ADAMTS7: variants seen among roughly 807,000 people sequenced by gnomAD.
ADAMTS7 encodes ADAM metallopeptidase with thrombospondin type 1 motif 7.
ADAMTS7 carries 89 observed loss-of-function variants against 172.6 expected under a neutral mutation model. The observed-to-expected ratio is 0.52, with a 90% CI of 0.43 to 0.61. The LOEUF is 0.61. Ranked by LOEUF, ADAMTS7 falls within the 20% of genes least tolerant of loss-of-function variation. The pLI, the probability that ADAMTS7 is intolerant of heterozygous loss-of-function variation, is 0.00. For missense variants in ADAMTS7, 1,973 were observed against 2,355.6 expected (o/e 0.84, Z 3.36); for synonymous variants, 885 against 978.4 (o/e 0.90, Z 1.78).
At chr15:78,762,164 G>C (rs1475583404) in intron 23 of ADAMTS7, 1 of 854,462 alleles carries the variant, frequency 1.2e-6, no homozygotes, top group African/African-American at 1.8e-5. Context: ...CCCAAGGTCA[G>C]ACAGCTGCCT....
At chr15:78,769,523 G>A (rs2055212528) in intron 16 of ADAMTS7, among the ~76,000 whole-genome samples, 1 of 152,230 alleles carries the variant, frequency 6.6e-6, no homozygotes, top group African/African-American at 2.4e-5. Context: ...GTCCCTCGCT[G>A]GGAGTCAGCC....
intron 8 of ADAMTS7, among the ~76,000 whole-genome samples, chr15:78,783,425 A>G (rs546989239): frequency 1.3e-5 from 2 of 148,846 alleles, no homozygotes; most frequent in African/African-American, 4.9e-5. Context: ...ACCAGCCACC[A>G]GGCCTGGCTA....
chr15:78,795,851 C>T (rs937988774), intron 4 of ADAMTS7, among the ~76,000 whole-genome samples: 11 of 152,146 alleles, frequency 7.2e-5, no homozygotes, highest in African/African-American at 2.4e-4. Context: ...CTGCAGTAGT[C>T]GGCTCCAGGA....
At chr15:78,803,748 T>C (rs1388367793) in intron 1 of ADAMTS7, among the ~76,000 whole-genome samples, 3 of 152,226 alleles carry the variant, frequency 2.0e-5, no homozygotes, top group Admixed American at 6.5e-5. Flanking sequence ...CCACTGTGCC[T>C]GGCAACTATG....
intron 11 of ADAMTS7, 97 bp from the exon 12 acceptor site, chr15:78,774,890 C>T: frequency 7.0e-7 from 1 of 1,429,048 alleles, no homozygotes; most frequent in Non-Finnish European, 9.3e-7. Context: ...CATCCACACC[C>T]CGAGATCCCT....
chr15:78,794,545 G>C (rs1236154109), intron 4 of ADAMTS7, among the ~76,000 whole-genome samples: 1 of 152,218 alleles, frequency 6.6e-6, no homozygotes, highest in East Asian at 1.9e-4. Flanking sequence ...GTGAGTGTGA[G>C]AACCAGTCCC....
intron 4 of ADAMTS7, 106 bp from the exon 5 acceptor site, chr15:78,791,329 C>T (rs1229083574): frequency 5.9e-6 from 5 of 853,832 alleles, no homozygotes; most frequent in African/African-American, 5.2e-5. Flanking sequence ...CACCTGTGCT[C>T]ACACACAGGG....
At chr15:78,788,485 CCACCCAATGGCTG>C (rs1291611055) in intron 7 of ADAMTS7, 111 bp from the exon 8 acceptor site, 17 of 1,329,532 alleles carry the variant, frequency 1.3e-5, no homozygotes, top group Non-Finnish European at 1.7e-5. Context: ...GCTGGTTCTG[CCACCCAATGGCTG>C]CACCCAATGG....
intron 1 of ADAMTS7, among the ~76,000 whole-genome samples, chr15:78,807,912 T>C (rs1305397935): frequency 1.3e-5 from 2 of 151,976 alleles, no homozygotes; most frequent in Non-Finnish European, 2.9e-5. Context: ...TGGAGTGCAG[T>C]GATGCGATCG....
intron 8 of ADAMTS7, 63 bp downstream of exon 8, chr15:78,788,168 T>C (rs563521274): frequency 2.5e-6 from 4 of 1,592,586 alleles, no homozygotes; most frequent in Non-Finnish European, 3.4e-6. Flanking sequence ...ACTGTCTGCA[T>C]CTCTCCCAGT....
rs573703692 is a variant in ADAMTS7, at chr15:78,759,214, G to A, written c.*207C>T. 20 of 477,736 alleles carry A rather than the reference G, an allele frequency of 4.2e-5. No homozygotes were observed. Among genetic ancestry groups the A allele is most frequent in the Non-Finnish European group, 6.9e-5 (19 of 275,010 alleles). The allele number at this position is 477,736 out of a possible 1,614,324, so 29.6% of individuals were successfully genotyped here. On this transcript the variant is annotated 3_prime_UTR_variant, in exon 24 of 24. Coordinates refer to ENST00000388820, the MANE Select transcript of ADAMTS7 (RefSeq NM_014272.5). ...ACGAAGTCACGCTGTGCTTTGGAAT[G>A]GTAGATGCTCATTTATGTAAAATCA...
chr15:78,773,567 G>A (rs2055288998), intron 13 of ADAMTS7, among the ~76,000 whole-genome samples: 2 of 152,164 alleles, frequency 1.3e-5, no homozygotes, highest in South Asian at 4.2e-4. Context: ...ACTGGGGGTT[G>A]GCACCTCCCT....
Position 78,791,168 on chromosome 15 carries a change from A to T in ADAMTS7, c.875T>A (p.Val292Glu). ...CTCATCTTCCAGCAGGACCAGGCGC[A>T]CAATGGTGATGTGGATGGGGTTCCC... ...SIGNPIHITI[V>E]RLVLLEDEEE... The change falls in exon 5 of 24, where the codon GTG becomes GAG. Residue 292 changes from valine (V) to glutamate (E), a missense_variant. This residue lies in a region of ADAMTS7 where 526 missense variants were observed against 662.9 expected (regional missense o/e 0.79). Coordinates refer to ENST00000388820, the MANE Select transcript of ADAMTS7 (RefSeq NM_014272.5). 6.2e-7 allele frequency: 1 copy of T among 1,613,612 alleles called. No homozygotes were observed. Among genetic ancestry groups the T allele is most frequent in the Non-Finnish European group, 8.5e-7 (1 of 1,179,736 alleles).
intron 8 of ADAMTS7, among the ~76,000 whole-genome samples, chr15:78,782,320 C>T (rs193234198): frequency 1.6e-4 from 24 of 152,082 alleles, no homozygotes; most frequent in South Asian, 6.2e-4. Flanking sequence ...TGTGAGCCAC[C>T]GTGCCTGGCC....
intron 5 of ADAMTS7, among the ~76,000 whole-genome samples, 162 bp from the exon 6 acceptor site, chr15:78,790,956 C>A (rs1316257261): frequency 6.6e-6 from 1 of 152,214 alleles, no homozygotes; most frequent in Non-Finnish European, 1.5e-5. Context: ...CTGTAGGAAC[C>A]TCCTGCAGAG....
rs374705825 is a variant in ADAMTS7 at position 78,800,360 on chromosome 15, G to T, written c.288C>A (p.Thr96=). 1.3e-4 allele frequency: 208 copies of T among 1,605,246 alleles called. No homozygotes were observed. Among genetic ancestry groups the T allele is most frequent in the Non-Finnish European group, 1.7e-4 (195 of 1,176,978 alleles). Residue 96 remains threonine (T), a synonymous_variant, in exon 2 of 24, where the codon ACC becomes ACA. Coordinates refer to ENST00000388820, the MANE Select transcript of ADAMTS7 (RefSeq NM_014272.5). ...CGGGCGCCAGCAGGTGCTGATTGGCGGTCAGGTTGAAGCGCAGCTCGCGCC... is the reference window on the plus strand; with the variant it reads ...CGGGCGCCAGCAGGTGCTGATTGGCTGTCAGGTTGAAGCGCAGCTCGCGCC... ...YRGRELRFNL[T]ANQHLLAPGF...
Position 78,771,728 on chromosome 15 carries a change from C to T in ADAMTS7, c.2233G>A (p.Glu745Lys). The T allele has an allele frequency of 1.2e-6, 2 of 1,610,386 alleles. No homozygotes were observed. The highest frequency in any genetic ancestry group is 1.7e-6 in the Non-Finnish European group (2 of 1,180,010). The change falls in exon 15 of 24, where the codon GAG (glutamate) becomes AAG (lysine). Residue 745 changes from glutamate (E) to lysine (K), a missense_variant. Coordinates refer to ENST00000388820, the MANE Select transcript of ADAMTS7 (RefSeq NM_014272.5). This position sits in a 1 kb window ranked among gnomAD's most constrained non-coding sequence, Gnocchi z 4.9. Reference sequence around the variant, plus strand: ...CAGCCACCATTGAGGAAGTACTTCTCCGGGTCCTCGCTCCGCAGTGCCAGG... The same window carrying T: ...CAGCCACCATTGAGGAAGTACTTCTTCGGGTCCTCGCTCCGCAGTGCCAGG... ...NFLALRSEDP[E>K]KYFLNGGWTI... is the part of the protein sequence containing the mutation.
At chr15:78,779,459 C>A (rs2055399535) in intron 8 of ADAMTS7, among the ~76,000 whole-genome samples, 1 of 152,176 alleles carries the variant, frequency 6.6e-6, no homozygotes, top group African/African-American at 2.4e-5. Context: ...ACTGGGCTAC[C>A]CCCAGTGCAG....
chr15:78,797,808 G>T, intron 3 of ADAMTS7, 140 bp downstream of exon 3: 1 of 997,174 alleles, frequency 1.0e-6, no homozygotes. Flanking sequence ...CACAGGCTAT[G>T]GTAAAGTATC....
Sources: gnomAD v4.1 joint callset for allele counts (sites outside exome capture counted in the v4.1 genomes callset) on GRCh38, gnomAD v4.1.1 for gene constraint, gnomAD v4.1.1 regional missense constraint, Gnocchi (gnomAD v3.1) non-coding constraint, MANE v1.5 for transcripts, NCBI Gene and HGNC (gene_info 2026-07-23, HGNC 2026-07-21) for gene names.